MAP3K13: variants seen among roughly 807,000 people sequenced by gnomAD.
MAP3K13 encodes the protein leucine zipper-bearing kinase.
MAP3K13 carries 52 observed loss-of-function variants against 104.0 expected under a neutral mutation model. The observed-to-expected ratio is 0.50, with a 90% CI of 0.40 to 0.63. The LOEUF (loss-of-function observed/expected upper bound fraction) is 0.63. Ranked by LOEUF, MAP3K13 falls within the 20% of genes least tolerant of loss-of-function variation. MAP3K13 has a pLI of 0.00. For synonymous variants in MAP3K13, 394 were observed against 442.2 expected, an observed-to-expected ratio of 0.89 and a Z score of 1.37; for missense variants, 914 against 1,218.5, an observed-to-expected ratio of 0.75 and a Z score of 3.72.
intron 7 of MAP3K13, among the ~76,000 whole-genome samples, chr3:185,453,140 C>T (rs577643424): frequency 6.6e-5 from 10 of 152,110 alleles, no homozygotes; most frequent in Non-Finnish European, 1.2e-4. Flanking sequence ...CCTTCCAGAC[C>T]CAGGCAATAT....
intron 9 of MAP3K13, 114 bp downstream of exon 9, chr3:185,465,977 C>A (rs1028416544): frequency 2.3e-5 from 18 of 799,718 alleles, no homozygotes; most frequent in East Asian, 5.1e-5. Context: ...TATTCATTCA[C>A]CCAACATTCC....
At chr3:185,299,159 G>T (rs1413682514) in intron 2 of MAP3K13, among the ~76,000 whole-genome samples, 1 of 152,208 alleles carries the variant, frequency 6.6e-6, no homozygotes, top group African/African-American at 2.4e-5. Context: ...GCTCATCAGA[G>T]AGTTGAGGTC....
intron 7 of MAP3K13, among the ~76,000 whole-genome samples, chr3:185,459,646 C>T (rs1469740387): frequency 2.0e-5 from 3 of 151,990 alleles, no homozygotes; most frequent in Non-Finnish European, 4.4e-5. Flanking sequence ...GATGGGGTTT[C>T]ACCATGTTGG....
Position 185,384,145 on chromosome 3 carries a change from C to T in MAP3K13, c.-86+20777C>T, listed in dbSNP as rs1299804852. 2.6e-5 allele frequency among the ~76,000 whole-genome samples: 4 copies of T among 152,268 alleles called. No individual in the cohort carries two copies. The East Asian group carries it at 7.7e-4, about 29-fold the overall frequency. On this transcript the variant is annotated intron_variant, in intron 1 of 13. Coordinates refer to ENST00000265026, the MANE Select transcript of MAP3K13 (RefSeq NM_004721.5). ...TGGTAACTATTGTTCTACTACCTAC[C>T]TCCATGAGGTCAACTTTTTTTTAGC...
At chr3:185,402,741 C>A (rs1002145966) in intron 1 of MAP3K13, among the ~76,000 whole-genome samples, 19 of 152,010 alleles carry the variant, frequency 1.2e-4, no homozygotes, top group Non-Finnish European at 5.9e-5. Flanking sequence ...TAATTATGTG[C>A]GCATGTGTAA....
chr3:185,332,226 TC>T (rs10545329), intron 2 of MAP3K13, among the ~76,000 whole-genome samples: 1,944 of 151,300 alleles, frequency 0.013, 49 homozygotes, highest in African/African-American at 0.043. Flanking sequence ...CAATGTGTAC[TC>T]CCCCCCCCCA....
At chr3:185,458,827 A>G (rs965740223) in intron 7 of MAP3K13, among the ~76,000 whole-genome samples, 4 of 152,212 alleles carry the variant, frequency 2.6e-5, no homozygotes, top group African/African-American at 9.6e-5. Flanking sequence ...CGTCAACAGC[A>G]CATGTATAAA....
intron 1 of MAP3K13, among the ~76,000 whole-genome samples, chr3:185,372,360 G>A (rs1483161707): frequency 1.3e-5 from 2 of 152,100 alleles, no homozygotes; most frequent in Non-Finnish European, 2.9e-5. Flanking sequence ...CCTTCCATCT[G>A]TTTGTCTAAG....
chr3:185,345,999 C>G (rs983572540), intron 2 of MAP3K13, among the ~76,000 whole-genome samples: 1 of 151,990 alleles, frequency 6.6e-6, no homozygotes, highest in Non-Finnish European at 1.5e-5. Context: ...TTTGTTTTAC[C>G]TCACATACCT....
intron 1 of MAP3K13, among the ~76,000 whole-genome samples, chr3:185,387,572 T>A (rs551136099): frequency 3.0e-4 from 45 of 152,080 alleles, no homozygotes; most frequent in Non-Finnish European, 5.3e-4. Context: ...TAAGACACCA[T>A]ATGATCACCT....
intron 2 of MAP3K13, among the ~76,000 whole-genome samples, chr3:185,323,622 C>T (rs979685160): frequency 1.3e-5 from 2 of 152,128 alleles, no homozygotes; most frequent in African/African-American, 2.4e-5. Context: ...CGTGAGCCAC[C>T]GTGCCTGGCC....
chr3:185,400,996 C>T (rs1224719960), intron 1 of MAP3K13, among the ~76,000 whole-genome samples: 1 of 148,794 alleles, frequency 6.7e-6, no homozygotes, highest in Non-Finnish European at 1.5e-5. Flanking sequence ...GCTAAGCTTA[C>T]CTTGCTGCAA....
At chr3:185,365,929 TTCCC>T (rs1333200811) in intron 1 of MAP3K13, among the ~76,000 whole-genome samples, 7 of 20,712 alleles carry the variant, frequency 3.4e-4, no homozygotes, top group African/African-American at 6.0e-4. Flanking sequence ...CCCCTTTCCC[TTCCC>T]TCCCTCCCTC....
rs186657855 is a variant in MAP3K13 at position 185,422,022 on chromosome 3, A to G, written c.-85-6475A>G. Among the ~76,000 whole-genome samples the G allele has an allele frequency of 4.2e-3, 639 of 152,244 alleles. 6 individuals carry two copies. The highest frequency in any genetic ancestry group is 0.014 in the Middle Eastern group (4 of 294). On this transcript the variant is annotated intron_variant, in intron 1 of 13. Transcript: ENST00000265026. ...GAGCATGAGGGAAGCCTATTTGACT[A>G]CACATCTTTATACACCCTTGAGGTT... is the stretch of plus-strand genomic sequence containing the variant.
chr3:185,424,974 G>A (rs1254251308), intron 1 of MAP3K13, among the ~76,000 whole-genome samples: 6 of 152,112 alleles, frequency 3.9e-5, no homozygotes, highest in South Asian at 2.1e-4. Flanking sequence ...CACTACAGGC[G>A]TATGCCACCA....
At chr3:185,395,449 C>T (rs1202635351) in intron 1 of MAP3K13, among the ~76,000 whole-genome samples, 1 of 84,452 alleles carries the variant, frequency 1.2e-5, no homozygotes, top group Non-Finnish European at 2.2e-5. Context: ...AGCTCCGCCT[C>T]CCGGGTTCAC....
intron 7 of MAP3K13, among the ~76,000 whole-genome samples, chr3:185,460,721 C>T (rs1717050228): frequency 6.6e-6 from 1 of 152,220 alleles, no homozygotes; most frequent in Non-Finnish European, 1.5e-5. Flanking sequence ...TCATCAGTAC[C>T]TGGTGTTTTC....
At chr3:185,460,229 A>G (rs1717019197) in intron 7 of MAP3K13, among the ~76,000 whole-genome samples, 2 of 152,216 alleles carry the variant, frequency 1.3e-5, no homozygotes, top group Non-Finnish European at 2.9e-5. Context: ...GCTGTCCATC[A>G]GAACACGTTT....
chr3:185,391,916 G>A (rs1712075231), intron 1 of MAP3K13, among the ~76,000 whole-genome samples: 1 of 152,070 alleles, frequency 6.6e-6, no homozygotes, highest in South Asian at 2.1e-4. Context: ...GTGTTTTGGG[G>A]TGCGGGTGGG....
Sources: gnomAD v4.1 joint callset for allele counts (sites outside exome capture counted in the v4.1 genomes callset) on GRCh38, gnomAD v4.1.1 for gene constraint, MANE v1.5 for transcripts, NCBI Gene and HGNC (gene_info 2026-07-23, HGNC 2026-07-21) for gene names.